The following CLTRN variants were observed in gnomAD, a reference collection of about 807,000 sequenced individuals.
The protein encoded by CLTRN is collectrin, amino acid transport regulator.
In CLTRN, 12 loss-of-function variants were observed where a neutral mutation model predicts 14.5. The observed-to-expected ratio is 0.83, with a 90% CI of 0.53 to 1.34. The LOEUF is 1.34. Among genes scored for constraint, CLTRN ranks in the 40% most tolerant of loss-of-function variants. The probability of loss-of-function intolerance (pLI) is 0.00; values close to 1 mark genes in which losing one functional copy is unlikely to be tolerated. For missense variants in CLTRN, 154 were observed against 165.1 expected (o/e 0.93, Z 0.37); for synonymous variants, 58 against 56.5 (o/e 1.03, Z -0.12).
At chrX:15,664,649 C>A (rs1929581854) in intron 1 of CLTRN, 69 bp downstream of exon 1, 10 of 1,000,871 alleles carry the variant, frequency 1.0e-5, no homozygotes, top group Non-Finnish European at 1.4e-5. Flanking sequence ...ATAAAGAGTT[C>A]TTTCAGTCGA....
intron 2 of CLTRN, among the ~76,000 whole-genome samples, chrX:15,661,272 T>C (rs919147361): frequency 1.8e-5 from 2 of 112,226 alleles, no homozygotes; most frequent in Non-Finnish European, 3.8e-5. Context: ...CCCTGGGACA[T>C]GAATTTCAGT....
intron 5 of CLTRN, among the ~76,000 whole-genome samples, chrX:15,632,620 G>A (rs935983567): frequency 1.8e-4 from 20 of 110,008 alleles, no homozygotes. Flanking sequence ...GGCTGGGTGT[G>A]GTGGCTCGCG....
At chrX:15,670,088 C>T (rs1467630839) in intron 1 of CLTRN, among the ~76,000 whole-genome samples, 1 of 109,939 alleles carries the variant, frequency 9.1e-6, no homozygotes, top group Non-Finnish European at 1.9e-5. Flanking sequence ...CAGGCCTGGA[C>T]AACATGGCGA....
chrX:15,628,262 T>A, intron 5 of CLTRN, 135 bp from the exon 6 acceptor site: 1 of 429,654 alleles, frequency 2.3e-6, no homozygotes, highest in Non-Finnish European at 3.5e-6. Flanking sequence ...AATGATATTG[T>A]GTAATTTTCA....
chrX:15,630,363 A>AGAAGGAAGGAAG lies in CLTRN; in HGVS notation c.513-2248_513-2237dup, dbSNP rs67681066. On this transcript the variant is annotated intron_variant, in intron 5 of 5. Transcript: ENST00000380342. Reference sequence around the variant, plus strand: ...CCTTGAACGGGCTTTACCACAAGAAAGAAGGAAGGAAGGAAGGAAGGAAGG... The same window carrying AGAAGGAAGGAAG: ...CCTTGAACGGGCTTTACCACAAGAAAGAAGGAAGGAAGGAAGGAAGGAAGGAAGGAAGGAAGG... Among the ~76,000 whole-genome samples, 291 of 54,642 alleles carry AGAAGGAAGGAAG rather than the reference A, an allele frequency of 5.3e-3. 1 individual carries two copies. Among genetic ancestry groups the AGAAGGAAGGAAG allele is most frequent in the South Asian group, 0.013 (11 of 818 alleles). The allele number at this position is 54,642 out of a possible 115,157, so 47.5% of individuals were successfully genotyped here.
upstream of CLTRN, among the ~76,000 whole-genome samples, chrX:15,668,637 A>G (rs1467649516): frequency 9.0e-6 from 1 of 111,675 alleles, no homozygotes; most frequent in East Asian, 2.8e-4. Flanking sequence ...TGATTCTTGA[A>G]GCGTTTTTTT....
intron 3 of CLTRN, among the ~76,000 whole-genome samples, chrX:15,653,934 T>G (rs901227972): frequency 2.7e-5 from 3 of 112,700 alleles, no homozygotes; most frequent in African/African-American, 9.7e-5. Context: ...AATTCATACA[T>G]AAGTAACTTC....
intron 5 of CLTRN, among the ~76,000 whole-genome samples, chrX:15,638,275 C>A (rs935564655): frequency 1.2e-4 from 14 of 112,503 alleles, no homozygotes; most frequent in Admixed American, 1.2e-3. Flanking sequence ...TCAAAAAAAT[C>A]AGGTAAGTGT....
rs764396185 is a variant in CLTRN at position 15,645,037 on chromosome X, C to G, written c.204-8G>C. 9.0e-7 allele frequency: 1 copy of G among 1,108,838 alleles called. No individual in the cohort carries two copies. The highest frequency in any genetic ancestry group is 1.2e-6 in the Non-Finnish European group (1 of 810,834). The allele number at this position is 1,108,838 out of a possible 1,213,427, so 91.4% of individuals were successfully genotyped here. ...AGTAGGACATGGGAAATTCTGCAGACAGTGGAAAGAAAAAATACATGAGAA... is the reference window on the plus strand; with the variant it reads ...AGTAGGACATGGGAAATTCTGCAGAGAGTGGAAAGAAAAAATACATGAGAA... On this transcript the variant is annotated splice_region_variant and splice_polypyrimidine_tract_variant and intron_variant, in intron 3 of 5. Coordinates refer to ENST00000380342, the MANE Select transcript of CLTRN (RefSeq NM_020665.6).
At chrX:15,660,199 T>C (rs977964409) in intron 2 of CLTRN, among the ~76,000 whole-genome samples, 2 of 111,975 alleles carry the variant, frequency 1.8e-5, no homozygotes, top group Admixed American at 9.4e-5. Flanking sequence ...GGATAGTAAG[T>C]AAAAATAAAT....
rs1335378576 is a variant in CLTRN at position 15,630,363 on chromosome X, A to AGAAAGAAGGAAG, written c.513-2237_513-2236insCTTCCTTCTTTC. Among the ~76,000 whole-genome samples, 30 of 54,660 alleles carry AGAAAGAAGGAAG rather than the reference A, an allele frequency of 5.5e-4. 1 individual carries two copies. The highest frequency in any genetic ancestry group is 2.3e-3 in the African/African-American group (21 of 9,289). The allele number at this position is 54,660 out of a possible 115,157, so 47.5% of individuals were successfully genotyped here. ...CCTTGAACGGGCTTTACCACAAGAA[A>AGAAAGAAGGAAG]GAAGGAAGGAAGGAAGGAAGGAAGG... On this transcript the variant is annotated intron_variant, in intron 5 of 5. Transcript: ENST00000380342.
At chrX:15,666,912 T>C (rs1440395654), upstream of CLTRN, among the ~76,000 whole-genome samples, 1 of 112,663 alleles carries the variant, frequency 8.9e-6, no homozygotes, top group Non-Finnish European at 1.9e-5. Flanking sequence ...TTTACTTACA[T>C]CAAGGAAGAA....
At chrX:15,646,277 C>T in intron 3 of CLTRN, 1 of 249,522 alleles carries the variant, frequency 4.0e-6, no homozygotes, top group South Asian at 4.0e-5. Flanking sequence ...CGTGCACTTT[C>T]TGACATTTTG....
intron 4 of CLTRN, among the ~76,000 whole-genome samples, chrX:15,640,771 T>C (rs1164506907): frequency 1.8e-5 from 2 of 112,510 alleles, no homozygotes; most frequent in East Asian, 2.8e-4. Flanking sequence ...CAAAAACTTA[T>C]TAAATATCAA....
intron 4 of CLTRN, among the ~76,000 whole-genome samples, chrX:15,643,427 G>A (rs1390079463): frequency 1.8e-5 from 2 of 111,609 alleles, no homozygotes; most frequent in Non-Finnish European, 1.9e-5. Context: ...CCTTGAAAAA[G>A]ACATTTTGTT....
intron 4 of CLTRN, among the ~76,000 whole-genome samples, chrX:15,643,881 A>G (rs953613930): frequency 1.8e-5 from 2 of 112,363 alleles, no homozygotes; most frequent in African/African-American, 6.5e-5. Context: ...AATAATATGT[A>G]TTTCAGTAAC....
intron 5 of CLTRN, among the ~76,000 whole-genome samples, chrX:15,630,777 CATCAGCA>C (rs970126477): frequency 8.9e-6 from 1 of 111,906 alleles, no homozygotes; most frequent in African/African-American, 3.3e-5. Context: ...TCATGGCAAG[CATCAGCA>C]ATCAGCAATC....
At chrX:15,634,273 A>G (rs1002185304) in intron 5 of CLTRN, among the ~76,000 whole-genome samples, 1 of 111,550 alleles carries the variant, frequency 9.0e-6, no homozygotes, top group African/African-American at 3.3e-5. Flanking sequence ...ATATTCTCTG[A>G]TTTTGTCTTC....
At chrX:15,641,636 CTGTGTGTGTG>C (rs56407617) in intron 4 of CLTRN, among the ~76,000 whole-genome samples, 1,146 of 88,448 alleles carry the variant, frequency 0.013, 32 homozygotes, top group Admixed American at 0.095. Flanking sequence ...CCACACCTGG[CTGTGTGTGTG>C]TGTGTGTGTG....
Sources: allele counts gnomAD v4.1 joint callset (sites outside exome capture counted in the v4.1 genomes callset), GRCh38; gene constraint gnomAD v4.1.1; transcripts MANE v1.5; gene names NCBI Gene and HGNC (gene_info 2026-07-23, HGNC 2026-07-21).